BMP2K: variants seen among roughly 807,000 people sequenced by gnomAD.
BMP2K encodes the protein BMP2 inducible kinase, also known as BMP-2-inducible protein kinase.
Under a neutral mutation model 116.0 loss-of-function variants are expected in BMP2K, and 74 were observed. The ratio of observed to expected loss-of-function variants is 0.64; its 90% CI spans 0.53 to 0.77. The LOEUF is 0.77. Ranked by LOEUF, BMP2K falls within the 30% of genes least tolerant of loss-of-function variation. The pLI is 0.00. For missense variants in BMP2K, 1,365 were observed against 1,403.6 expected (o/e 0.97, Z 0.44); for synonymous variants, 486 against 502.5 (o/e 0.97, Z 0.44).
At chr4:78,897,894 G>C (rs1733786878) in intron 15 of BMP2K, among the ~76,000 whole-genome samples, 1 of 152,206 alleles carries the variant, frequency 6.6e-6, no homozygotes, top group Non-Finnish European at 1.5e-5. Flanking sequence ...GTTAGGTTGA[G>C]AGAGTCATGA....
At chr4:78,862,407 C>T (rs1282243900) in intron 9 of BMP2K, among the ~76,000 whole-genome samples, 2 of 152,012 alleles carry the variant, frequency 1.3e-5, no homozygotes, top group Non-Finnish European at 2.9e-5. Flanking sequence ...AGTTGCTGCA[C>T]TCTTCCTTGA....
chr4:78,823,513 G>GTT (rs1392169116), intron 1 of BMP2K, among the ~76,000 whole-genome samples: 1 of 145,082 alleles, frequency 6.9e-6, no homozygotes, highest in Non-Finnish European at 1.5e-5. Context: ...GTTATATATA[G>GTT]TTATATATAT....
At chr4:78,893,076 T>G (rs546674294) in intron 15 of BMP2K, among the ~76,000 whole-genome samples, 2 of 152,362 alleles carry the variant, frequency 1.3e-5, no homozygotes, top group South Asian at 2.1e-4. Context: ...ACAGTAGAAC[T>G]TCTTCCAAAA....
At chr4:78,884,197 T>C (rs1732977916) in intron 14 of BMP2K, among the ~76,000 whole-genome samples, 1 of 152,106 alleles carries the variant, frequency 6.6e-6, no homozygotes, top group South Asian at 2.1e-4. Flanking sequence ...CGTGGTGGCC[T>C]GTGCCTCTAG....
intron 1 of BMP2K, among the ~76,000 whole-genome samples, chr4:78,810,258 T>C (rs1003040788): frequency 2.0e-5 from 3 of 152,216 alleles, no homozygotes; most frequent in Non-Finnish European, 4.4e-5. Context: ...TTGCAGAGCC[T>C]TAAAGACATC....
chr4:78,776,618 G>A lies in BMP2K; in HGVS notation c.75G>A (p.Gly25=). The change falls in exon 1 of 16, where the codon GGG becomes GGA. Residue 25 remains glycine (G), a synonymous_variant. Coordinates refer to ENST00000502613, the MANE Select transcript of BMP2K (RefSeq NM_198892.2). ...GAGCGGCGGGTGGCGGGGCTGGCGG[G>A]GCCGGGGCCGGGGCCGGCTGCGGCT... is the stretch of plus-strand genomic sequence containing the variant. ...GGGAAGGGAG[G]AGAGAGCGSG... is the part of the protein sequence containing the mutation. The A allele has an allele frequency of 8.3e-7, 1 of 1,201,752 alleles. No individual in the cohort carries two copies. The allele number at this position is 1,201,752 out of a possible 1,614,324, so 74.4% of individuals were successfully genotyped here.
intron 14 of BMP2K, chr4:78,879,512 A>G: frequency 1.2e-6 from 1 of 814,296 alleles, no homozygotes; most frequent in Non-Finnish European, 1.5e-6. Flanking sequence ...TTCGCCACAC[A>G]TATTTTAGAA....
chr4:78,797,544 G>A (rs1349846503), intron 1 of BMP2K, among the ~76,000 whole-genome samples: 1 of 152,090 alleles, frequency 6.6e-6, no homozygotes, highest in African/African-American at 2.4e-5. Flanking sequence ...GGTAGTATTG[G>A]GATTTTGGTT....
rs113133226 is a variant in BMP2K at position 78,904,240 on chromosome 4, G to T, written c.2063-6370G>T. On this transcript the variant is annotated intron_variant, in intron 15 of 15. Coordinates refer to ENST00000502613, the MANE Select transcript of BMP2K (RefSeq NM_198892.2). ...GGTTAATAAGATTGAAGAGAAAAAA[G>T]TTCTAAGAAAGATCATAGTAAACCT... 1.7e-4 allele frequency among the ~76,000 whole-genome samples: 26 copies of T among 151,956 alleles called. 1 individual carries two copies. The highest frequency in any genetic ancestry group is 6.0e-4 in the African/African-American group (25 of 41,528).
At chr4:78,844,629 G>T (rs758926748) in intron 4 of BMP2K, among the ~76,000 whole-genome samples, 3 of 151,536 alleles carry the variant, frequency 2.0e-5, no homozygotes, top group Non-Finnish European at 4.4e-5. Flanking sequence ...ACCTGGGTTG[G>T]AAGAAGCATT....
chr4:78,812,248 C>T (rs371869852), intron 1 of BMP2K, among the ~76,000 whole-genome samples: 12 of 152,300 alleles, frequency 7.9e-5, no homozygotes, highest in East Asian at 5.8e-4. Flanking sequence ...GGACTACAGG[C>T]GTGAGCCACT....
rs1560565847 is a variant in BMP2K, at chr4:78,916,087, CTA to C, written c.*4055_*4056del. ...TTCTACTTGTTACAAAACATACTTG[CTA>C]AAGTAACTTCAGTCCTCAAATATAG... On this transcript the variant is annotated 3_prime_UTR_variant, in exon 16 of 16. Transcript: ENST00000502613. The C allele has an allele frequency of 6.6e-6, 1 of 151,808 alleles. No individual in the cohort carries two copies. The highest frequency in any genetic ancestry group is 1.5e-5 in the Non-Finnish European group (1 of 67,790). 9.4% of individuals were successfully genotyped at this position (151,808 alleles called of 1,614,324 possible). A position where few individuals can be genotyped will look rare whatever the true frequency, so the allele number is the denominator to read the frequency against.
At chr4:78,885,239 G>A (rs919095524) in intron 14 of BMP2K, among the ~76,000 whole-genome samples, 4 of 152,182 alleles carry the variant, frequency 2.6e-5, no homozygotes, top group African/African-American at 9.7e-5. Flanking sequence ...GTTCATCTTA[G>A]CTGTAAGAGC....
chr4:78,899,211 T>C (rs954618626), intron 15 of BMP2K: 6 of 151,956 alleles, frequency 3.9e-5, no homozygotes, highest in Admixed American at 1.3e-4. Context: ...GAGAGAGATT[T>C]AGAGGGGCAG....
At chr4:78,817,947 T>C (rs1441881210) in intron 1 of BMP2K, among the ~76,000 whole-genome samples, 1 of 152,160 alleles carries the variant, frequency 6.6e-6, no homozygotes, top group African/African-American at 2.4e-5. Context: ...ATTTTTTTCT[T>C]ATATTATGGT....
intron 1 of BMP2K, among the ~76,000 whole-genome samples, chr4:78,803,053 T>G (rs775121973): frequency 9.9e-5 from 15 of 152,188 alleles, no homozygotes; most frequent in Admixed American, 2.0e-4. Context: ...TTTCACCATG[T>G]TGGTTAGGCT....
chr4:78,840,026 T>C (rs1730681132), intron 3 of BMP2K, among the ~76,000 whole-genome samples: 1 of 152,058 alleles, frequency 6.6e-6, no homozygotes, highest in South Asian at 2.1e-4. Context: ...ATCACAGTTG[T>C]AAAAATAAAA....
chr4:78,845,007 C>T lies in BMP2K; in HGVS notation c.626C>T (p.Pro209Leu), dbSNP rs1730933444. 1 of 1,590,466 alleles carries T rather than the reference C, an allele frequency of 6.3e-7. No homozygotes were observed. Residue 209 changes from proline to leucine, a missense_variant, in exon 5 of 16, where the codon CCT becomes CTT. By Grantham distance (98) the Pro-to-Leu change is moderately conservative. This residue lies in a region of BMP2K where 762 missense variants were observed against 756.7 expected (regional missense o/e 1.01). Transcript: ENST00000502613. ...AGTGCCACTAATAAATTTCTTAATC[C>T]TCAAAAAGATGGAGTTAATGTAGTA... ...FGSATNKFLNPQKDGVNVVEE... is the reference protein window; with the variant it reads ...FGSATNKFLNLQKDGVNVVEE...
chr4:78,803,130 G>A (rs186765714), intron 1 of BMP2K, among the ~76,000 whole-genome samples: 3 of 152,220 alleles, frequency 2.0e-5, no homozygotes, highest in Admixed American at 2.0e-4. Flanking sequence ...GATTGCAGGC[G>A]TGAGCCACCA....
Sources: gnomAD v4.1 joint callset for allele counts (sites outside exome capture counted in the v4.1 genomes callset) on GRCh38, gnomAD v4.1.1 for gene constraint, gnomAD v4.1.1 regional missense constraint, MANE v1.5 for transcripts, NCBI Gene and HGNC (gene_info 2026-07-23, HGNC 2026-07-21) for gene names.